Variants in STXBP2 observed in about 807,000 individuals in gnomAD.
STXBP2 encodes syntaxin-binding protein 2.
A neutral mutation model predicts 72.2 loss-of-function variants in STXBP2; 47 were observed. That is an observed-to-expected ratio of 0.65 (90% CI 0.51 to 0.83). The LOEUF (loss-of-function observed/expected upper bound fraction) is 0.83, where lower values mean the gene tolerates loss of function less well. Ranked by LOEUF, STXBP2 falls within the 40% of genes least tolerant of loss-of-function variation. The pLI is 0.00. For synonymous variants in STXBP2, 367 were observed against 338.7 expected (o/e 1.08, Z -0.92); for missense variants, 702 against 807.6 (o/e 0.87, Z 1.58).
chr19:7,639,587 G>A (rs563568891), intron 3 of STXBP2, 144 bp from the exon 4 acceptor site: 54 of 747,310 alleles, frequency 7.2e-5, no homozygotes, highest in Non-Finnish European at 1.1e-4. Flanking sequence ...GCTCTTAGCT[G>A]GTGGTCCCTA....
In STXBP2 at chr19:7,641,775, G is replaced by A. The variant is rs949311854; in HGVS notation, c.500G>A (p.Arg167Gln). The A allele has an allele frequency of 8.4e-6, 13 of 1,551,682 alleles. No homozygotes were observed. The highest frequency in any genetic ancestry group is 2.7e-5 in the African/African-American group (2 of 73,182). ...YCPFRAEERTRQLEVLAQQIA... is the reference protein window; with the variant it reads ...YCPFRAEERTQQLEVLAQQIA... ...CCCTTCCGGGCAGAGGAGCGCACGC[G>A]GCAGCTCGAGGTGCTGGCCCAGCAG... Residue 167 changes from arginine (R) to glutamine (Q), a missense_variant, in exon 7 of 19, where the codon CGG becomes CAG. By Grantham distance (43) the Arg-to-Gln change is conservative. Transcript: ENST00000221283.
At chr19:7,646,623 C>A in intron 16 of STXBP2, 1 of 525,900 alleles carries the variant, frequency 1.9e-6, no homozygotes, top group Non-Finnish European at 3.5e-6. Flanking sequence ...CAGGAGTGCC[C>A]CTGAGCCCCA....
upstream of STXBP2, among the ~76,000 whole-genome samples, chr19:7,634,887 T>C (rs1379813093): frequency 6.6e-6 from 1 of 152,150 alleles, no homozygotes; most frequent in Non-Finnish European, 1.5e-5. Flanking sequence ...GCATTCTCCC[T>C]CTGTGTCCCA....
At chr19:7,635,759 G>A (rs2031505528), upstream of STXBP2, among the ~76,000 whole-genome samples, 1 of 152,004 alleles carries the variant, frequency 6.6e-6, no homozygotes, top group Non-Finnish European at 1.5e-5. Context: ...AAGGGAAAAG[G>A]AAAGGAAAGG....
At chr19:7,638,247 A>G (rs2031642165) in intron 1 of STXBP2, among the ~76,000 whole-genome samples, 1 of 152,188 alleles carries the variant, frequency 6.6e-6, no homozygotes, top group Non-Finnish European at 1.5e-5. Flanking sequence ...TTGCCTAAGA[A>G]TCTGTTTCCC....
In STXBP2 at chr19:7,647,469, G is replaced by A. The variant is rs757368965; in HGVS notation, c.1654G>A (p.Glu552Lys). 5 of 1,611,196 alleles carry A rather than the reference G, an allele frequency of 3.1e-6. No homozygotes were observed. Among genetic ancestry groups the A allele is most frequent in the South Asian group, 2.2e-5 (2 of 90,686 alleles). Residue 552 changes from glutamate to lysine, a missense_variant, in exon 18 of 19, where the codon GAG (glutamate) becomes AAG (lysine). By Grantham distance (56) the Glu-to-Lys change is moderately conservative. Coordinates refer to ENST00000221283, the MANE Select transcript of STXBP2 (RefSeq NM_006949.4). The part of the protein sequence containing the change: ...VAMSEMRAAY[E>K]VTRATEGKWE... ...CATGTCAGAGATGAGGGCCGCCTAC[G>A]AGGTGACCAGGGCCACCGAGGGCAA...
intron 6 of STXBP2, 196 bp downstream of exon 6, chr19:7,641,199 TA>T (rs1417339723): frequency 1.5e-6 from 1 of 663,364 alleles, no homozygotes; most frequent in South Asian, 1.6e-5. Flanking sequence ...CCCCGTCTCT[TA>T]AAAAAAGAAA....
rs201449483 is a variant in STXBP2 at position 7,639,964 on chromosome 19, CTG to C, written c.246+161_246+162del. 2,367 of 805,360 alleles carry C rather than the reference CTG, an allele frequency of 2.9e-3. 42 individuals carry two copies. The African/African-American group carries it at 0.032, about 11-fold the overall frequency. The allele number at this position is 805,360 out of a possible 1,614,324, so 49.9% of individuals were successfully genotyped here. ...CATGTGTGTGCATGTGTGTGTGCATCTGTGTATGCATGTGTGTGCGTGTTTGC... is the reference window on the plus strand; with the variant it reads ...CATGTGTGTGCATGTGTGTGTGCATCTGTATGCATGTGTGTGCGTGTTTGC... On this transcript the variant is annotated intron_variant, in intron 4 of 18. Coordinates refer to ENST00000221283, the MANE Select transcript of STXBP2 (RefSeq NM_006949.4).
the STXBP2 span, chr19:7,631,377 G>T: frequency 7.2e-7 from 1 of 1,388,912 alleles, no homozygotes; most frequent in African/African-American, 1.5e-5. Flanking sequence ...GTGGTCTGGG[G>T]CAGGGTGGTG....
upstream of STXBP2, chr19:7,632,645 C>T: frequency 6.4e-7 from 1 of 1,564,898 alleles, no homozygotes; most frequent in South Asian, 1.1e-5. This position sits in a 1 kb window ranked among gnomAD's most constrained non-coding sequence, Gnocchi z 5.2. Context: ...CCAGGCCCTC[C>T]AGATGACCAC....
chr19:7,641,008 G>C lies in STXBP2; in HGVS notation c.429+5G>C. On this transcript the variant is annotated splice_donor_5th_base_variant and intron_variant, in intron 6 of 18. Coordinates refer to ENST00000221283, the MANE Select transcript of STXBP2 (RefSeq NM_006949.4). ...TTCCTCCCCTACGAGGCCCAGGTACGGCCCGGGCTCATCCTGGGCAGGGGG... is the reference window on the plus strand; with the variant it reads ...TTCCTCCCCTACGAGGCCCAGGTACCGCCCGGGCTCATCCTGGGCAGGGGG... The C allele has an allele frequency of 6.2e-7, 1 of 1,613,938 alleles. No individual in the cohort carries two copies. Among genetic ancestry groups the C allele is most frequent in the Non-Finnish European group, 8.5e-7 (1 of 1,179,882 alleles).
rs144233139 is a variant in STXBP2, at chr19:7,640,907, C to G, written c.333C>G (p.Pro111=). ...AAHIFFTDTC[P]EPLFSELGRS... is the part of the protein sequence containing the mutation. ...ACTCCTGCCTCACCCCAGCCTGCCC[C>G]GAGCCCCTGTTCAGTGAGCTAGGCC... The change falls in exon 6 of 19, where the codon CCC becomes CCG. Residue 111 remains proline (P), a synonymous_variant. Coordinates refer to ENST00000221283, the MANE Select transcript of STXBP2 (RefSeq NM_006949.4). 3 of 1,614,196 alleles carry G rather than the reference C, an allele frequency of 1.9e-6. No individual in the cohort carries two copies. In the South Asian group the frequency reaches 3.3e-5, roughly 18 times the overall value.
chr19:7,632,026 C>T (rs1265623936), upstream of STXBP2: 23 of 486,138 alleles, frequency 4.7e-5, no homozygotes, highest in Admixed American at 3.8e-5. The surrounding 1 kb of genome is among the most constrained non-coding windows in gnomAD (Gnocchi z 5.2). Flanking sequence ...ACCCAAGCTT[C>T]GTGTATGTGT....
chr19:7,644,916 TG>T (rs1192620005), intron 14 of STXBP2, 164 bp downstream of exon 14: 2 of 1,470,870 alleles, frequency 1.4e-6, no homozygotes, highest in African/African-American at 2.8e-5. Flanking sequence ...TCCATTGGCT[TG>T]GGGATTCCTC....
At chr19:7,640,486 ATGTGTGTGTGCATCTG>A (rs1309638371) in intron 4 of STXBP2, 17 of 632,524 alleles carry the variant, frequency 2.7e-5, no homozygotes, top group East Asian at 1.2e-4. Context: ...GCATGTGTGT[ATGTGTGTGTGCATCTG>A]TGTGTGTGTG....
At chr19:7,633,337 A>T, upstream of STXBP2, 1 of 1,155,620 alleles carries the variant, frequency 8.7e-7, no homozygotes, top group Middle Eastern at 2.0e-4. Context: ...GGTGCCCTAC[A>T]AACTAGTCTT....
intron 5 of STXBP2, 44 bp from the exon 6 acceptor site, chr19:7,640,856 T>C (rs768976365): frequency 5.0e-6 from 8 of 1,613,434 alleles, no homozygotes; most frequent in Non-Finnish European, 5.9e-6. Context: ...CAAGGAGGTG[T>C]GGGGGCTGCT....
chr19:7,629,852 A>G, the STXBP2 span: 1 of 1,535,102 alleles, frequency 6.5e-7, no homozygotes, highest in South Asian at 1.2e-5. Context: ...GAAGCTGGAG[A>G]TATTTCGGGT....
the STXBP2 span, chr19:7,630,275 T>G: frequency 2.1e-6 from 1 of 466,688 alleles, no homozygotes. Context: ...TAAGTGGGGA[T>G]GGGTAATGAG....
Sources: allele counts gnomAD v4.1 joint callset (sites outside exome capture counted in the v4.1 genomes callset), GRCh38; gene constraint gnomAD v4.1.1; non-coding constraint Gnocchi (gnomAD v3.1); transcripts MANE v1.5; gene names NCBI Gene and HGNC (gene_info 2026-07-23, HGNC 2026-07-21).